Variants in PTPRN2 observed in about 807,000 individuals in gnomAD.
PTPRN2 encodes protein tyrosine phosphatase receptor type N2.
A neutral mutation model predicts 118.8 loss-of-function variants in PTPRN2; 74 were observed. The ratio of observed to expected loss-of-function variants is 0.62; its 90% CI spans 0.52 to 0.76. The LOEUF (loss-of-function observed/expected upper bound fraction) is 0.76, where lower values mean the gene tolerates loss of function less well. Ranked by LOEUF, PTPRN2 falls within the 30% of genes least tolerant of loss-of-function variation. The pLI is 0.00. For synonymous variants in PTPRN2, 641 were observed against 608.0 expected (o/e 1.05, Z -0.80); for missense variants, 1,481 against 1,394.4 (o/e 1.06, Z -0.99).
intron 12 of PTPRN2, among the ~76,000 whole-genome samples, chr7:157,741,053 G>T (rs188918502): frequency 2.6e-5 from 4 of 152,150 alleles, no homozygotes; most frequent in South Asian, 4.1e-4. Flanking sequence ...ACAAGGGAAG[G>T]GGGGAGATGA....
At chr7:157,645,786 C>T (rs947808454) in intron 14 of PTPRN2, among the ~76,000 whole-genome samples, 2 of 152,144 alleles carry the variant, frequency 1.3e-5, no homozygotes, top group Non-Finnish European at 2.9e-5. Context: ...GGTGGGCACC[C>T]CTGCCGTGGT....
rs1280894545 is a variant in PTPRN2 at position 157,550,356 on chromosome 7, G to A, written c.2903-1337C>T. On this transcript the variant is annotated intron_variant, in intron 21 of 22. Transcript: ENST00000389418. The surrounding 1 kb of genome is among the most constrained non-coding windows in gnomAD (Gnocchi z 5.2). ...AAGTCAGAACTGCGGGCAGCTAGGAGGGAACGGCAGGGGTGGCGGGGAGGC... is the reference window on the plus strand; with the variant it reads ...AAGTCAGAACTGCGGGCAGCTAGGAAGGAACGGCAGGGGTGGCGGGGAGGC... 6.6e-6 allele frequency among the ~76,000 whole-genome samples: 1 copy of A among 152,188 alleles called. No individual in the cohort carries two copies. The highest frequency in any genetic ancestry group is 1.5e-5 in the Non-Finnish European group (1 of 68,032).
chr7:157,568,815 G>T, intron 21 of PTPRN2, 87 bp downstream of exon 21: 2 of 1,381,912 alleles, frequency 1.4e-6, no homozygotes, highest in Non-Finnish European at 2.1e-6. Flanking sequence ...TTTTTCCAGG[G>T]CCTCCCGTGA....
At position 158,051,292 on chromosome 7, in the gene PTPRN2, C is replaced by T. The variant is rs193186322; in HGVS notation, c.1723+30006G>A. On this transcript the variant is annotated intron_variant, in intron 11 of 22. Coordinates refer to ENST00000389418, the MANE Select transcript of PTPRN2 (RefSeq NM_002847.5). ...CAGAGAGAGGAAACTGCCTGATCTC[C>T]GTTCCAGATGTAACCCAGTTCTTAG... Among the ~76,000 whole-genome samples the T allele has an allele frequency of 4.7e-4, 72 of 152,306 alleles. No homozygotes were observed. In the East Asian group the frequency reaches 0.012, roughly 25 times the overall value.
At chr7:158,493,319 A>G (rs550573290) in intron 1 of PTPRN2, among the ~76,000 whole-genome samples, 1 of 152,274 alleles carries the variant, frequency 6.6e-6, no homozygotes, top group Non-Finnish European at 1.5e-5. Flanking sequence ...ATGCCCATTC[A>G]CAGGCACACT....
chr7:158,288,441 C>G (rs1799897468), intron 3 of PTPRN2, among the ~76,000 whole-genome samples: 1 of 152,110 alleles, frequency 6.6e-6, no homozygotes, highest in Non-Finnish European at 1.5e-5. Flanking sequence ...TACTTTCTAT[C>G]TTTGGCATAT....
At chr7:158,200,008 C>T (rs1477012414) in intron 4 of PTPRN2, among the ~76,000 whole-genome samples, 2 of 151,998 alleles carry the variant, frequency 1.3e-5, no homozygotes, top group Non-Finnish European at 2.9e-5. Context: ...GACAAAATTA[C>T]GAATACTAAA....
chr7:158,127,164 G>T (rs1048627980), intron 9 of PTPRN2, among the ~76,000 whole-genome samples: 2 of 152,170 alleles, frequency 1.3e-5, no homozygotes, highest in Non-Finnish European at 2.9e-5. Flanking sequence ...CGGCCTCCCC[G>T]CAAGACTCAG....
intron 11 of PTPRN2, among the ~76,000 whole-genome samples, chr7:157,916,485 C>G (rs1009709515): frequency 6.6e-6 from 1 of 152,232 alleles, no homozygotes; most frequent in Non-Finnish European, 1.5e-5. Context: ...CCTCTAATTA[C>G]CTGTAATCCA....
At chr7:158,465,024 C>G (rs1329576026) in intron 2 of PTPRN2, among the ~76,000 whole-genome samples, 2 of 152,244 alleles carry the variant, frequency 1.3e-5, no homozygotes, top group African/African-American at 2.4e-5. Flanking sequence ...CAGCTAGTTA[C>G]AGAGGCTATG....
intron 11 of PTPRN2, among the ~76,000 whole-genome samples, chr7:157,909,292 T>G (rs1184481303): frequency 6.6e-6 from 1 of 152,256 alleles, no homozygotes; most frequent in Non-Finnish European, 1.5e-5. Context: ...GAGCTTCACA[T>G]AGACTTTTAA....
rs1014706708 is a variant in PTPRN2 at position 158,544,837 on chromosome 7, G to T, written c.112+42721C>A. 1.3e-5 allele frequency among the ~76,000 whole-genome samples: 2 copies of T among 152,144 alleles called. No homozygotes were observed. The highest frequency in any genetic ancestry group is 2.9e-5 in the Non-Finnish European group (2 of 68,032). On this transcript the variant is annotated intron_variant, in intron 1 of 22. Coordinates refer to ENST00000389418, the MANE Select transcript of PTPRN2 (RefSeq NM_002847.5). The surrounding 1 kb of genome is among the most constrained non-coding windows in gnomAD (Gnocchi z 4.2). ...ACCTGTTGTCCTGGGGTTCAAAGCC[G>T]CTGCCACCTTCTTCCCTTGCAGTTT...
At chr7:158,141,914 G>A (rs150773503) in intron 6 of PTPRN2, among the ~76,000 whole-genome samples, 106 of 152,312 alleles carry the variant, frequency 7.0e-4, no homozygotes, top group Non-Finnish European at 1.3e-3. Flanking sequence ...TGACGGACAC[G>A]GGCGTTCTGA....
chr7:158,461,619 G>A (rs1357151269), intron 2 of PTPRN2, among the ~76,000 whole-genome samples: 1 of 152,058 alleles, frequency 6.6e-6, no homozygotes, highest in Non-Finnish European at 1.5e-5. Context: ...TTTTTCCAAA[G>A]CACTCAAATT....
In PTPRN2 at chr7:157,664,177, C is replaced by G. The variant is rs188237528; in HGVS notation, c.2002-7626G>C. Among the ~76,000 whole-genome samples, 17 of 152,366 alleles carry G rather than the reference C, an allele frequency of 1.1e-4. No individual in the cohort carries two copies. In the East Asian group the frequency reaches 2.9e-3, roughly 26 times the overall value. On this transcript the variant is annotated intron_variant, in intron 13 of 22. Transcript: ENST00000389418. ...AAAGTAGCATCCACACCTGAAAAGGCAGTCGCATCCACGGTGCTGAACGGA... is the reference window on the plus strand; with the variant it reads ...AAAGTAGCATCCACACCTGAAAAGGGAGTCGCATCCACGGTGCTGAACGGA...
intron 3 of PTPRN2, among the ~76,000 whole-genome samples, chr7:158,274,644 G>C (rs112738368): frequency 3.2e-4 from 49 of 152,294 alleles, no homozygotes; most frequent in African/African-American, 1.1e-3. Context: ...GAAATGTGTG[G>C]AGGGGCCGCG....
chr7:157,606,227 T>G (rs1801993152), intron 15 of PTPRN2, among the ~76,000 whole-genome samples: 1 of 152,306 alleles, frequency 6.6e-6, no homozygotes, highest in Admixed American at 6.5e-5. Flanking sequence ...GCAGGGAGAA[T>G]CCAGGTAGCA....
intron 3 of PTPRN2, among the ~76,000 whole-genome samples, chr7:158,235,976 C>T (rs1390926202): frequency 2.0e-5 from 3 of 152,170 alleles, no homozygotes; most frequent in Admixed American, 6.5e-5. Context: ...ACCACCATTA[C>T]GGGCTGCTTA....
intron 2 of PTPRN2, among the ~76,000 whole-genome samples, chr7:158,393,190 A>G (rs1812074310): frequency 6.6e-6 from 1 of 152,182 alleles, no homozygotes; most frequent in South Asian, 2.1e-4. Flanking sequence ...CAGCGCCTCC[A>G]ACGCACCCTC....
Sources: allele counts gnomAD v4.1 joint callset (sites outside exome capture counted in the v4.1 genomes callset), GRCh38; gene constraint gnomAD v4.1.1; non-coding constraint Gnocchi (gnomAD v3.1); transcripts MANE v1.5; gene names NCBI Gene and HGNC (gene_info 2026-07-23, HGNC 2026-07-21).